HDAC4: variants seen among roughly 807,000 people sequenced by gnomAD.
The protein encoded by HDAC4 is histone deacetylase 4.
HDAC4 carries 16 observed loss-of-function variants against 135.1 expected under a neutral mutation model. That is an observed-to-expected ratio of 0.12 (90% CI 0.08 to 0.18). HDAC4 has a LOEUF of 0.18. Among genes scored for constraint, HDAC4 ranks in the 10% least tolerant of loss-of-function variants. HDAC4 has a pLI of 1.00. For synonymous variants in HDAC4, 685 were observed against 653.4 expected (o/e 1.05, Z -0.74); for missense variants, 1,143 against 1,511.8 (o/e 0.76, Z 4.05).
intron 24 of HDAC4, among the ~76,000 whole-genome samples, chr2:239,066,213 C>T (rs1215180445): frequency 6.6e-6 from 1 of 152,194 alleles, no homozygotes; most frequent in Non-Finnish European, 1.5e-5. Context: ...TCTCTGACTC[C>T]CTCCGGCGGT....
At chr2:239,294,133 C>T (rs946067325) in intron 2 of HDAC4, among the ~76,000 whole-genome samples, 2 of 152,190 alleles carry the variant, frequency 1.3e-5, no homozygotes, top group Non-Finnish European at 2.9e-5. Context: ...CATGGATGCT[C>T]CGTGCAGTGC....
chr2:239,155,839 A>C (rs561391276), intron 7 of HDAC4, among the ~76,000 whole-genome samples: 3 of 152,190 alleles, frequency 2.0e-5, no homozygotes, highest in African/African-American at 7.2e-5. Context: ...TCCACTGGCC[A>C]CATCTGGGAT....
chr2:239,085,072 A>ACT (rs1553609626), intron 19 of HDAC4, among the ~76,000 whole-genome samples: 27 of 142,328 alleles, frequency 1.9e-4, no homozygotes, highest in East Asian at 1.3e-3. Flanking sequence ...ACACACACAC[A>ACT]CTCTCCTGCT....
intron 2 of HDAC4, among the ~76,000 whole-genome samples, chr2:239,248,748 C>T (rs2048611236): frequency 6.6e-6 from 1 of 152,096 alleles, no homozygotes; most frequent in African/African-American, 2.4e-5. Flanking sequence ...TTTAAAGAAG[C>T]CAGGGAGATG....
In HDAC4 at chr2:239,313,925, C is replaced by T. The variant is rs895547525; in HGVS notation, c.22+38753G>A. Among the ~76,000 whole-genome samples, 1 of 152,138 alleles carries T rather than the reference C, an allele frequency of 6.6e-6. No individual in the cohort carries two copies. Among genetic ancestry groups the T allele is most frequent in the African/African-American group, 2.4e-5 (1 of 41,452 alleles). On this transcript the variant is annotated intron_variant, in intron 2 of 26. Coordinates refer to ENST00000543185, the MANE Select transcript of HDAC4 (RefSeq NM_001378414.1). The surrounding 1 kb of genome is among the most constrained non-coding windows in gnomAD (Gnocchi z 5.1). ...CCACTGCACCGTCCCTGTGAGTGTG[C>T]GTGGGGAGGGGCTGTAGTTCCCTTG...
At chr2:239,155,987 CTAAAGCCA>C (rs1236361094) in intron 7 of HDAC4, among the ~76,000 whole-genome samples, 1 of 152,220 alleles carries the variant, frequency 6.6e-6, no homozygotes, top group African/African-American at 2.4e-5. Context: ...TAATCATTAT[CTAAAGCCA>C]CTGCCGTGGC....
intron 24 of HDAC4, among the ~76,000 whole-genome samples, chr2:239,058,882 G>T (rs2032260895): frequency 6.6e-6 from 1 of 152,170 alleles, no homozygotes; most frequent in Non-Finnish European, 1.5e-5. Flanking sequence ...AACACAAACA[G>T]AACTCTGGGA....
At chr2:239,114,228 C>G (rs1575075341) in intron 13 of HDAC4, among the ~76,000 whole-genome samples, 1 of 152,160 alleles carries the variant, frequency 6.6e-6, no homozygotes, top group Admixed American at 6.5e-5. Flanking sequence ...AGTCAGGAAG[C>G]TGGGGAGGTG....
intron 3 of HDAC4, among the ~76,000 whole-genome samples, chr2:239,207,058 A>G (rs1559226236): frequency 6.6e-6 from 1 of 152,030 alleles, no homozygotes; most frequent in Non-Finnish European, 1.5e-5. Flanking sequence ...CCACCTGACC[A>G]CGCCCCAGGG....
chr2:239,056,068 G>A (rs181072066), intron 24 of HDAC4, among the ~76,000 whole-genome samples: 14 of 152,350 alleles, frequency 9.2e-5, no homozygotes, highest in Admixed American at 2.6e-4. Flanking sequence ...TAGACACTGG[G>A]AGTGGACAGC....
rs376803502 is a variant in HDAC4, at chr2:239,068,520, G to A, written c.2838C>T (p.Thr946=). The A allele has an allele frequency of 8.7e-6, 14 of 1,613,590 alleles. No individual in the cohort carries two copies. Among genetic ancestry groups the A allele is most frequent in the African/African-American group, 1.3e-5 (1 of 74,920 alleles). ...CGGAGAGGTTGTAGCCCCCAAGAGG[G>A]GTGGGGTGGCCCTCCACGGCATCGA... The part of the protein sequence containing the change: ...SGFDAVEGHP[T]PLGGYNLSAR... Residue 946 remains threonine (T), a synonymous_variant, in exon 23 of 27, where the codon ACC becomes ACT. Coordinates refer to ENST00000543185, the MANE Select transcript of HDAC4 (RefSeq NM_001378414.1). This position sits in a 1 kb window ranked among gnomAD's most constrained non-coding sequence, Gnocchi z 4.4.
At chr2:239,333,004 T>C (rs920641795) in intron 2 of HDAC4, among the ~76,000 whole-genome samples, 1 of 152,108 alleles carries the variant, frequency 6.6e-6, no homozygotes, top group Non-Finnish European at 1.5e-5. Flanking sequence ...ACACAAAAAC[T>C]GACACAAGAA....
chr2:239,129,620 C>T (rs3791459), intron 11 of HDAC4, among the ~76,000 whole-genome samples: 1,729 of 152,306 alleles, frequency 0.011, 94 homozygotes, highest in East Asian at 0.098. Context: ...GGCTCCTGAG[C>T]TGACCCTGGC....
At chr2:239,374,770 C>G (rs1694889858) in intron 1 of HDAC4, among the ~76,000 whole-genome samples, 1 of 152,184 alleles carries the variant, frequency 6.6e-6, no homozygotes, top group South Asian at 2.1e-4. Context: ...TTCAGAATAT[C>G]AAAGATAATC....
At chr2:239,228,009 A>G (rs1220479930) in intron 3 of HDAC4, among the ~76,000 whole-genome samples, 1 of 152,192 alleles carries the variant, frequency 6.6e-6, no homozygotes, top group Non-Finnish European at 1.5e-5. Context: ...CACTTGAGAC[A>G]GTTGCTCCTA....
intron 1 of HDAC4, among the ~76,000 whole-genome samples, chr2:239,392,614 T>C (rs974778126): frequency 6.6e-6 from 1 of 152,172 alleles, no homozygotes; most frequent in African/African-American, 2.4e-5. Flanking sequence ...CTTCCCCTCC[T>C]TGTCCACAGC....
intron 3 of HDAC4, among the ~76,000 whole-genome samples, chr2:239,213,241 C>T (rs1341354948): frequency 4.6e-3 from 6 of 1,296 alleles, no homozygotes; most frequent in Non-Finnish European, 8.2e-3. Context: ...GAGGGGCGGG[C>T]GGGGCACAGC....
chr2:239,244,695 C>T (rs535768275), intron 2 of HDAC4, among the ~76,000 whole-genome samples: 1 of 152,266 alleles, frequency 6.6e-6, no homozygotes, highest in East Asian at 1.9e-4. Flanking sequence ...CTGACCTGAA[C>T]CCCCAGAGGG....
intron 3 of HDAC4, among the ~76,000 whole-genome samples, chr2:239,231,575 T>A (rs954700174): frequency 2.0e-5 from 3 of 152,248 alleles, no homozygotes; most frequent in Middle Eastern, 6.3e-3. Context: ...CCACACTTCC[T>A]GTTGCTACTG....
Sources: allele counts gnomAD v4.1 joint callset (sites outside exome capture counted in the v4.1 genomes callset), GRCh38; gene constraint gnomAD v4.1.1; non-coding constraint Gnocchi (gnomAD v3.1); transcripts MANE v1.5; gene names NCBI Gene and HGNC (gene_info 2026-07-23, HGNC 2026-07-21).